DPP10: variants seen among roughly 807,000 people sequenced by gnomAD.
DPP10 encodes the protein dipeptidyl peptidase like 10, also known as inactive dipeptidyl peptidase 10.
Under a neutral mutation model 120.9 loss-of-function variants are expected in DPP10, and 33 were observed. The observed-to-expected ratio is 0.27, with a 90% CI of 0.21 to 0.37. The LOEUF (loss-of-function observed/expected upper bound fraction) is 0.37. Among genes scored for constraint, DPP10 ranks in the 10% least tolerant of loss-of-function variants. The probability of loss-of-function intolerance (pLI) is 1.00; values close to 1 mark genes in which losing one functional copy is unlikely to be tolerated. For missense variants in DPP10, 816 were observed against 942.8 expected (o/e 0.87, Z 1.76); for synonymous variants, 337 against 326.1 (o/e 1.03, Z -0.36).
intron 5 of DPP10, among the ~76,000 whole-genome samples, chr2:115,595,879 T>A (rs2082957720): frequency 6.6e-6 from 1 of 152,200 alleles, no homozygotes; most frequent in Non-Finnish European, 1.5e-5. Context: ...CACGTCCTAC[T>A]TTATTATATG....
At chr2:115,437,357 C>T (rs986669930) in intron 3 of DPP10, among the ~76,000 whole-genome samples, 1 of 151,994 alleles carries the variant, frequency 6.6e-6, no homozygotes, top group East Asian at 1.9e-4. Flanking sequence ...CTATTTCTAA[C>T]TTTATAGAGA....
At chr2:115,290,110 T>C (rs1443927047) in intron 1 of DPP10, among the ~76,000 whole-genome samples, 1 of 152,150 alleles carries the variant, frequency 6.6e-6, no homozygotes, top group East Asian at 1.9e-4. Flanking sequence ...AACAAAGGAC[T>C]AATATCTAGA....
intron 1 of DPP10, among the ~76,000 whole-genome samples, chr2:115,304,498 T>G (rs959544319): frequency 3.3e-5 from 5 of 152,084 alleles, no homozygotes; most frequent in African/African-American, 1.2e-4. Flanking sequence ...AATCTATTTT[T>G]GTTAAAACAC....
intron 1 of DPP10, among the ~76,000 whole-genome samples, chr2:114,611,790 G>A (rs1558931755): frequency 6.6e-6 from 1 of 152,140 alleles, no homozygotes. Context: ...TGTTGTCACT[G>A]TTCATGTCAG....
intron 3 of DPP10, among the ~76,000 whole-genome samples, chr2:115,469,191 A>G (rs1471535894): frequency 1.3e-5 from 2 of 152,196 alleles, no homozygotes; most frequent in Non-Finnish European, 2.9e-5. Flanking sequence ...GAAAATAAAC[A>G]TTATTGTCTA....
At chr2:115,818,784 A>G (rs1452375744) in intron 21 of DPP10, among the ~76,000 whole-genome samples, 1 of 152,198 alleles carries the variant, frequency 6.6e-6, no homozygotes, top group Non-Finnish European at 1.5e-5. Flanking sequence ...CACATTTAGA[A>G]GTTCAAATTC....
chr2:115,346,119 C>T lies in DPP10; in HGVS notation c.271+2207C>T, dbSNP rs185776081. 1.6e-3 allele frequency among the ~76,000 whole-genome samples: 250 copies of T among 152,190 alleles called. 2 individuals are homozygous for T. Among genetic ancestry groups the T allele is most frequent in the African/African-American group, 5.9e-3 (243 of 41,534 alleles). ...TTTTAAGTATAGAAATGGATTTGTGCTTTTATCCAACCCAGATCTTTCTGG... is the reference window on the plus strand; with the variant it reads ...TTTTAAGTATAGAAATGGATTTGTGTTTTTATCCAACCCAGATCTTTCTGG... On this transcript the variant is annotated intron_variant, in intron 3 of 25. Coordinates refer to ENST00000410059, the MANE Select transcript of DPP10 (RefSeq NM_020868.6).
At chr2:114,445,943 C>T (rs902253195) in intron 1 of DPP10, among the ~76,000 whole-genome samples, 1 of 152,120 alleles carries the variant, frequency 6.6e-6, no homozygotes, top group African/African-American at 2.4e-5. Flanking sequence ...AAACTTTCCT[C>T]CATTTCAGAG....
At chr2:115,253,156 C>A (rs541675219) in intron 1 of DPP10, among the ~76,000 whole-genome samples, 1 of 152,062 alleles carries the variant, frequency 6.6e-6, no homozygotes, top group Non-Finnish European at 1.5e-5. Context: ...ATGGTGAGAA[C>A]AGGAGCAGGA....
chr2:115,621,328 A>G lies in DPP10; in HGVS notation c.442-68359A>G, dbSNP rs186735079. ...TCTATTATAAAATATTACATTTTTAATTACAGCAATTATTTCTAGCTACAA... is the reference window on the plus strand; with the variant it reads ...TCTATTATAAAATATTACATTTTTAGTTACAGCAATTATTTCTAGCTACAA... On this transcript the variant is annotated intron_variant, in intron 5 of 25. Coordinates refer to ENST00000410059, the MANE Select transcript of DPP10 (RefSeq NM_020868.6). Among the ~76,000 whole-genome samples the G allele has an allele frequency of 2.4e-4, 36 of 152,352 alleles. 1 individual carries two copies. The East Asian group carries it at 6.4e-3, about 27-fold the overall frequency.
chr2:115,632,974 A>G (rs981124813), intron 5 of DPP10, among the ~76,000 whole-genome samples: 5 of 152,166 alleles, frequency 3.3e-5, no homozygotes, highest in East Asian at 1.9e-4. Context: ...CACTTTTACA[A>G]TGTTGGTGGG....
intron 1 of DPP10, among the ~76,000 whole-genome samples, chr2:115,032,647 G>A (rs1318084695): frequency 6.6e-6 from 1 of 151,906 alleles, no homozygotes; most frequent in Non-Finnish European, 1.5e-5. Flanking sequence ...TTGGGAGGCC[G>A]AGGTGGGTGG....
At position 115,483,475 on chromosome 2, in the gene DPP10, C is replaced by CTGTATG. The variant is rs1553426863; in HGVS notation, c.272-16034_272-16033insGTATGT. Among the ~76,000 whole-genome samples, 6 of 84,976 alleles carry CTGTATG rather than the reference C, an allele frequency of 7.1e-5. No individual in the cohort carries two copies. The South Asian group carries it at 1.5e-3, about 22-fold the overall frequency. 55.7% of individuals were successfully genotyped at this position (84,976 alleles called of 152,430 possible). A position where few individuals can be genotyped will look rare whatever the true frequency, so the allele number is the denominator to read the frequency against. On this transcript the variant is annotated intron_variant, in intron 3 of 25. Transcript: ENST00000410059. ...TCTATCTATCTATCTATCTATCTAT[C>CTGTATG]TATCTGTATGTGTATGTGTGTGCAT...
At chr2:115,536,389 TC>T (rs944893825) in intron 5 of DPP10, among the ~76,000 whole-genome samples, 61 of 152,016 alleles carry the variant, frequency 4.0e-4, no homozygotes, top group African/African-American at 1.4e-3. Flanking sequence ...CATAATTTAT[TC>T]AACTCAATAT....
intron 1 of DPP10, among the ~76,000 whole-genome samples, chr2:114,590,629 C>A (rs771949552): frequency 6.6e-5 from 10 of 152,136 alleles, no homozygotes; most frequent in East Asian, 3.8e-4. Flanking sequence ...CCATCATGAA[C>A]AATTGCAAGC....
chr2:114,889,679 G>GAA (rs76265164), intron 1 of DPP10, among the ~76,000 whole-genome samples: 6 of 151,310 alleles, frequency 4.0e-5, no homozygotes, highest in Non-Finnish European at 8.8e-5. Context: ...TGCTGTATCA[G>GAA]AAAAAAAATG....
intron 3 of DPP10, among the ~76,000 whole-genome samples, chr2:115,348,564 G>T (rs570613440): frequency 6.6e-6 from 1 of 151,856 alleles, no homozygotes. Context: ...ATCCTGCAAC[G>T]TTAGCACTCT....
In DPP10 at chr2:115,015,404, G is replaced by C. The variant is rs923987650; in HGVS notation, c.61-293835G>C. ...CCCACAGCCTATATCATACTGAATG[G>C]GCAAAGGCTGGAAGCATTCCCTTTG... On this transcript the variant is annotated intron_variant, in intron 1 of 25. Coordinates refer to ENST00000410059, the MANE Select transcript of DPP10 (RefSeq NM_020868.6). Among the ~76,000 whole-genome samples, 3 of 152,056 alleles carry C rather than the reference G, an allele frequency of 2.0e-5. No individual in the cohort carries two copies. In the East Asian group the frequency reaches 5.8e-4, roughly 29 times the overall value.
chr2:115,615,904 G>A (rs2084458440), intron 5 of DPP10, among the ~76,000 whole-genome samples: 1 of 151,936 alleles, frequency 6.6e-6, no homozygotes, highest in African/African-American at 2.4e-5. Context: ...TAGAGGTGAG[G>A]GATATATGGA....
Sources: allele counts gnomAD v4.1 joint callset (sites outside exome capture counted in the v4.1 genomes callset), GRCh38; gene constraint gnomAD v4.1.1; transcripts MANE v1.5; gene names NCBI Gene and HGNC (gene_info 2026-07-23, HGNC 2026-07-21).